Variants in RBFOX1 observed in about 807,000 individuals in gnomAD.
RBFOX1 encodes the protein RNA binding protein fox-1 homolog 1.
RBFOX1 carries 8 observed loss-of-function variants against 57.7 expected under a neutral mutation model. That is an observed-to-expected ratio of 0.14 (90% CI 0.08 to 0.25). The LOEUF (loss-of-function observed/expected upper bound fraction) is 0.25, where lower values mean the gene tolerates loss of function less well. RBFOX1 is among the 10% of genes least tolerant of loss of function. The probability of loss-of-function intolerance (pLI) is 1.00; values close to 1 mark genes in which losing one functional copy is unlikely to be tolerated. For missense variants in RBFOX1, 611 were observed against 548.5 expected (o/e 1.11, Z -1.14); for synonymous variants, 326 against 222.4 (o/e 1.47, Z -4.15).
chr16:6,483,088 C>G lies in RBFOX1; in HGVS notation c.-64+166031C>G, dbSNP rs1294843801. ...CGGAGCTTTGCAAGTGCCTCCGACC[C>G]GTAGGGGCGGGACCCACGCAGCCCC... On this transcript the variant is annotated intron_variant, in intron 2 of 15. Transcript: ENST00000550418. The G allele has an allele frequency of 1.1e-5, 11 of 989,526 alleles. No homozygotes were observed. The East Asian group carries it at 3.2e-4, about 29-fold the overall frequency. 61.3% of individuals were successfully genotyped at this position (989,526 alleles called of 1,614,324 possible). A position where few individuals can be genotyped will look rare whatever the true frequency, so the allele number is the denominator to read the frequency against.
intron 2 of RBFOX1, among the ~76,000 whole-genome samples, chr16:6,423,351 C>A (rs569660203): frequency 1.3e-5 from 2 of 152,164 alleles, no homozygotes; most frequent in African/African-American, 2.4e-5. Flanking sequence ...GTAATCCCAG[C>A]GCTTTGGGAG....
At chr16:6,881,559 C>A (rs1209136301) in intron 3 of RBFOX1, among the ~76,000 whole-genome samples, 1 of 152,208 alleles carries the variant, frequency 6.6e-6, no homozygotes, top group African/African-American at 2.4e-5. Context: ...ATGCATACTC[C>A]TCTTCCTGTA....
chr16:6,308,821 G>A (rs1049488599), intron 1 of RBFOX1, among the ~76,000 whole-genome samples: 3 of 152,112 alleles, frequency 2.0e-5, no homozygotes, highest in Non-Finnish European at 2.9e-5. Context: ...AGATATGGGG[G>A]ATGTAGAGGA....
chr16:6,859,900 G>C (rs1267372748), intron 3 of RBFOX1, among the ~76,000 whole-genome samples: 2 of 152,298 alleles, frequency 1.3e-5, no homozygotes, highest in Non-Finnish European at 2.9e-5. Flanking sequence ...TTGGAGAGAA[G>C]TGTTATTGAT....
chr16:7,655,353 C>G (rs1376608880), intron 12 of RBFOX1, among the ~76,000 whole-genome samples: 2 of 152,000 alleles, frequency 1.3e-5, no homozygotes, highest in Admixed American at 6.6e-5. Flanking sequence ...GCTTCTTGGA[C>G]AAAACAAGAG....
intron 4 of RBFOX1, among the ~76,000 whole-genome samples, chr16:7,215,813 C>T (rs1411702202): frequency 1.3e-5 from 2 of 150,668 alleles, no homozygotes; most frequent in Admixed American, 1.3e-4. Context: ...CAAGCTCTGC[C>T]TCTCGGGTTC....
intron 3 of RBFOX1, among the ~76,000 whole-genome samples, chr16:6,736,266 G>C (rs1218233763): frequency 2.6e-5 from 4 of 151,958 alleles, no homozygotes; most frequent in African/African-American, 9.7e-5. Flanking sequence ...GTGAGATTTT[G>C]GTGCACCCAT....
intron 2 of RBFOX1, among the ~76,000 whole-genome samples, chr16:6,602,974 T>C (rs577297113): frequency 6.6e-6 from 1 of 152,296 alleles, no homozygotes; most frequent in South Asian, 2.1e-4. Flanking sequence ...GTTATTACCC[T>C]TTTTCTAATC....
chr16:5,573,646 A>T (rs2046357573), intron 2 of RBFOX1, among the ~76,000 whole-genome samples: 1 of 152,126 alleles, frequency 6.6e-6, no homozygotes, highest in South Asian at 2.1e-4. Context: ...TTCCCCGTCC[A>T]GGCATCCCAA....
intron 2 of RBFOX1, among the ~76,000 whole-genome samples, chr16:5,581,364 A>C (rs1567255465): frequency 6.6e-6 from 1 of 151,740 alleles, no homozygotes; most frequent in Non-Finnish European, 1.5e-5. Context: ...GTAATTAAAC[A>C]CTCTTTTGTC....
intron 2 of RBFOX1, among the ~76,000 whole-genome samples, chr16:6,557,008 TATATATACATATATATAC>T (rs1299591220): frequency 7.3e-6 from 1 of 136,456 alleles, no homozygotes; most frequent in Non-Finnish European, 1.5e-5. Flanking sequence ...TATATATACA[TATATATACATATATATAC>T]ATATATACAC....
intron 3 of RBFOX1, among the ~76,000 whole-genome samples, chr16:6,901,536 C>T: frequency 6.6e-6 from 1 of 152,162 alleles, no homozygotes; most frequent in East Asian, 1.9e-4. Flanking sequence ...TTAAGCAAAT[C>T]CAGAGAAGAT....
At chr16:6,180,867 C>G (rs1001594517) in intron 1 of RBFOX1, among the ~76,000 whole-genome samples, 28 of 151,978 alleles carry the variant, frequency 1.8e-4, no homozygotes, top group African/African-American at 5.8e-4. Context: ...CACCTGGCCT[C>G]TTTTGTTTTT....
chr16:6,201,811 A>G (rs1180857857), intron 1 of RBFOX1, among the ~76,000 whole-genome samples: 1 of 152,218 alleles, frequency 6.6e-6, no homozygotes, highest in African/African-American at 2.4e-5. Flanking sequence ...TTTTGTGTCC[A>G]TGATAATTAA....
chr16:6,192,329 A>G (rs1567648214), intron 1 of RBFOX1, among the ~76,000 whole-genome samples: 1 of 152,158 alleles, frequency 6.6e-6, no homozygotes, highest in Non-Finnish European at 1.5e-5. Flanking sequence ...ATGAGTAGGT[A>G]GAGATGGGCT....
chr16:6,507,439 G>A (rs2096130013), intron 2 of RBFOX1, among the ~76,000 whole-genome samples: 1 of 142,558 alleles, frequency 7.0e-6, no homozygotes, highest in Non-Finnish European at 1.5e-5. Context: ...GTGAGGCTAA[G>A]GCAGGAGGAT....
chr16:7,532,342 G>C (rs566836205), intron 5 of RBFOX1, among the ~76,000 whole-genome samples: 3 of 152,116 alleles, frequency 2.0e-5, no homozygotes, highest in African/African-American at 4.8e-5. Context: ...CGCCAGCTTC[G>C]GGGAGATGAG....
At chr16:5,828,749 T>G (rs1235671609) in intron 3 of RBFOX1, among the ~76,000 whole-genome samples, 2 of 152,006 alleles carry the variant, frequency 1.3e-5, no homozygotes, top group Non-Finnish European at 2.9e-5. Flanking sequence ...AGTGGAGGAT[T>G]TCAGCAGAGG....
At chr16:6,395,840 T>C (rs896792385) in intron 2 of RBFOX1, among the ~76,000 whole-genome samples, 3 of 151,760 alleles carry the variant, frequency 2.0e-5, no homozygotes, top group Non-Finnish European at 4.4e-5. Flanking sequence ...CTGAGGCAGG[T>C]GGATTGCCTG....
Sources: gnomAD v4.1 joint callset for allele counts (sites outside exome capture counted in the v4.1 genomes callset) on GRCh38, gnomAD v4.1.1 for gene constraint, MANE v1.5 for transcripts, NCBI Gene and HGNC (gene_info 2026-07-23, HGNC 2026-07-21) for gene names.